The following NCOR1 variants were observed in gnomAD, a reference collection of about 807,000 sequenced individuals.
The protein encoded by NCOR1 is nuclear receptor corepressor 1, also known as protein phosphatase 1, regulatory subunit 109.
In NCOR1, 63 loss-of-function variants were observed where a neutral mutation model predicts 288.1. The observed-to-expected ratio is 0.22, with a 90% CI of 0.18 to 0.27. NCOR1 has a LOEUF of 0.27. Ranked by LOEUF, NCOR1 falls within the 10% of genes least tolerant of loss-of-function variation. NCOR1 has a pLI of 1.00. For synonymous variants in NCOR1, 1,007 were observed against 1,065.9 expected, an observed-to-expected ratio of 0.94 and a Z score of 1.08; for missense variants, 2,397 against 3,019.2, an observed-to-expected ratio of 0.79 and a Z score of 4.83.
chr17:16,050,970 C>A (rs2059242002), intron 40 of NCOR1, among the ~76,000 whole-genome samples: 1 of 152,104 alleles, frequency 6.6e-6, no homozygotes, highest in African/African-American at 2.4e-5. Context: ...GTAGCTGGGA[C>A]TACAGGTGCA....
chr17:16,145,516 G>C (rs1234861044), intron 10 of NCOR1, among the ~76,000 whole-genome samples: 4 of 146,772 alleles, frequency 2.7e-5, no homozygotes, highest in Non-Finnish European at 6.2e-5. Context: ...CCACGACCCC[G>C]TCTGGGAACT....
At chr17:16,120,956 G>T in intron 16 of NCOR1, 96 bp downstream of exon 16, 1 of 1,108,942 alleles carries the variant, frequency 9.0e-7, no homozygotes, top group Non-Finnish European at 1.3e-6. Context: ...TTATTTCTAG[G>T]TTGTCAATAT....
chr17:16,118,148 A>T (rs542676589), intron 17 of NCOR1, 121 bp from the exon 18 acceptor site: 1 of 924,090 alleles, frequency 1.1e-6, no homozygotes, highest in African/African-American at 1.7e-5. Flanking sequence ...TGTGCTTTCA[A>T]TTACTTATCA....
chr17:16,214,963 G>C (rs1044791799), intron 1 of NCOR1, among the ~76,000 whole-genome samples: 1 of 152,162 alleles, frequency 6.6e-6, no homozygotes, highest in Non-Finnish European at 1.5e-5. Context: ...CTTCCAAGTC[G>C]GCCACCAACT....
At chr17:16,134,392 C>T (rs995779732) in intron 14 of NCOR1, among the ~76,000 whole-genome samples, 7 of 152,170 alleles carry the variant, frequency 4.6e-5, no homozygotes, top group African/African-American at 1.4e-4. Context: ...GCAGAGCTAG[C>T]CTACCAGAAG....
rs186327819 is a variant in NCOR1, at chr17:16,139,782, G to T, written c.1174-596C>A. Among the ~76,000 whole-genome samples, 60 of 152,226 alleles carry T rather than the reference G, an allele frequency of 3.9e-4. No individual in the cohort carries two copies. In the East Asian group the frequency reaches 0.012, roughly 29 times the overall value. On this transcript the variant is annotated intron_variant, in intron 11 of 45. Coordinates refer to ENST00000268712, the MANE Select transcript of NCOR1 (RefSeq NM_006311.4). ...CAACTAAAACTTTGTTACACGTGCA[G>T]AACTTATTTTTCCCAAAGTTTAACT...
chr17:16,065,087 G>T, intron 33 of NCOR1, 68 bp from the exon 34 acceptor site: 1 of 1,436,236 alleles, frequency 7.0e-7, no homozygotes, highest in Non-Finnish European at 9.5e-7. Flanking sequence ...CATGACTTTG[G>T]ATTTTGTCTA....
chr17:16,131,230 G>C (rs558403964), intron 14 of NCOR1, among the ~76,000 whole-genome samples: 3 of 150,086 alleles, frequency 2.0e-5, no homozygotes, highest in African/African-American at 7.4e-5. Flanking sequence ...TAAAGTTTTT[G>C]TCCAGGCTGG....
intron 3 of NCOR1, among the ~76,000 whole-genome samples, chr17:16,176,409 T>C (rs778458901): frequency 1.3e-4 from 19 of 151,820 alleles, no homozygotes; most frequent in Non-Finnish European, 2.4e-4. Context: ...GCTGGGATTA[T>C]AGACGTGCGC....
intron 2 of NCOR1, among the ~76,000 whole-genome samples, chr17:16,189,865 T>G (rs1199835750): frequency 2.0e-5 from 3 of 152,178 alleles, no homozygotes; most frequent in South Asian, 4.1e-4. Context: ...CAACACTGAA[T>G]AGAAGCAAAC....
chr17:16,036,358 C>T (rs543034933), intron 44 of NCOR1, among the ~76,000 whole-genome samples: 1 of 152,330 alleles, frequency 6.6e-6, no homozygotes, highest in Admixed American at 6.5e-5. Flanking sequence ...TTCTAGAGCA[C>T]AGGCGAGTAG....
chr17:16,141,428 G>C (rs984641762), intron 11 of NCOR1, among the ~76,000 whole-genome samples: 4 of 152,184 alleles, frequency 2.6e-5, no homozygotes, highest in African/African-American at 7.2e-5. Flanking sequence ...AATGGTTTAA[G>C]GAACTCTGAG....
chr17:16,117,811 G>A, intron 18 of NCOR1, 77 bp downstream of exon 18: 1 of 1,454,274 alleles, frequency 6.9e-7, no homozygotes, highest in East Asian at 2.3e-5. Flanking sequence ...GATAGAGTGA[G>A]ACTCCATCTC....
Position 16,040,899 on chromosome 17 carries a change from A to C in NCOR1, c.6680-405T>G, listed in dbSNP as rs78480108. On this transcript the variant is annotated intron_variant, in intron 42 of 45. Coordinates refer to ENST00000268712, the MANE Select transcript of NCOR1 (RefSeq NM_006311.4). ...AAAATAAATAAATAAATAAAAAAAGAAGCAGTGTAACCCAGAAAAGGGAAA... is the reference window on the plus strand; with the variant it reads ...AAAATAAATAAATAAATAAAAAAAGCAGCAGTGTAACCCAGAAAAGGGAAA... 7.4e-4 allele frequency: 140 copies of C among 188,832 alleles called. No individual in the cohort carries two copies. In the East Asian group the frequency reaches 0.017, roughly 23 times the overall value. The allele number at this position is 188,832 out of a possible 1,614,324, so 11.7% of individuals were successfully genotyped here.
chr17:16,087,525 G>A (rs979010199), intron 22 of NCOR1, among the ~76,000 whole-genome samples: 2 of 152,128 alleles, frequency 1.3e-5, no homozygotes, highest in African/African-American at 4.8e-5. Flanking sequence ...AATCTCCTGT[G>A]TATCCTCAAA....
chr17:16,092,695 A>ATATATTTTTT (rs1567961490), intron 21 of NCOR1, among the ~76,000 whole-genome samples: 1 of 22,600 alleles, frequency 4.4e-5, no homozygotes, highest in African/African-American at 2.1e-4. Context: ...ATATATATAT[A>ATATATTTTTT]TTTTTTTTTT....
chr17:16,057,357 A>G, intron 40 of NCOR1, 157 bp downstream of exon 40: 1 of 680,032 alleles, frequency 1.5e-6, no homozygotes, highest in Non-Finnish European at 2.5e-6. Flanking sequence ...TGGACATTCT[A>G]AGAATAATAT....
At chr17:16,046,733 A>C (rs1317104693) in intron 42 of NCOR1, among the ~76,000 whole-genome samples, 1 of 152,220 alleles carries the variant, frequency 6.6e-6, no homozygotes, top group Non-Finnish European at 1.5e-5. Flanking sequence ...ATTTCTTCAA[A>C]GAGAAACGGC....
At chr17:16,091,706 C>T in intron 22 of NCOR1, 157 bp downstream of exon 22, 1 of 1,448,334 alleles carries the variant, frequency 6.9e-7, no homozygotes, top group Non-Finnish European at 9.1e-7. Context: ...AACATTTCTT[C>T]ATAGTTTAAG....
Sources: gnomAD v4.1 joint callset for allele counts (sites outside exome capture counted in the v4.1 genomes callset) on GRCh38, gnomAD v4.1.1 for gene constraint, MANE v1.5 for transcripts, NCBI Gene and HGNC (gene_info 2026-07-23, HGNC 2026-07-21) for gene names.